UGGT2: variants seen among roughly 807,000 people sequenced by gnomAD.
UGGT2 encodes the protein UDP-glucose:glycoprotein glucosyltransferase 2.
In UGGT2, 180 loss-of-function variants were observed where a neutral mutation model predicts 192.1. That is an observed-to-expected ratio of 0.94 (90% CI 0.83 to 1.06). UGGT2 has a LOEUF of 1.06. Ranked by LOEUF, UGGT2 falls within the 50% of genes least tolerant of loss-of-function variation. The pLI is 0.00. For synonymous variants in UGGT2, 580 were observed against 591.0 expected, an observed-to-expected ratio of 0.98 and a Z score of 0.27; for missense variants, 1,849 against 1,795.7, an observed-to-expected ratio of 1.03 and a Z score of -0.54.
chr13:95,965,966 C>G (rs2050566772), intron 12 of UGGT2, among the ~76,000 whole-genome samples: 1 of 152,064 alleles, frequency 6.6e-6, no homozygotes, highest in Non-Finnish European at 1.5e-5. Flanking sequence ...AGTATAACCA[C>G]AATGGAAAAC....
intron 12 of UGGT2, among the ~76,000 whole-genome samples, chr13:95,953,434 G>A (rs904002118): frequency 6.6e-6 from 1 of 152,228 alleles, no homozygotes; most frequent in African/African-American, 2.4e-5. Context: ...AGTGCCAAGA[G>A]TTACAAAAGA....
At chr13:95,904,981 C>T (rs372082172) in intron 20 of UGGT2, among the ~76,000 whole-genome samples, 32 of 151,788 alleles carry the variant, frequency 2.1e-4, no homozygotes, top group South Asian at 1.7e-3. Flanking sequence ...TTTTAATGAT[C>T]GCCATTCTAA....
At chr13:95,860,665 G>C (rs1890072528) in intron 32 of UGGT2, 123 bp downstream of exon 32, 2 of 485,328 alleles carry the variant, frequency 4.1e-6, no homozygotes, top group Admixed American at 8.2e-5. Flanking sequence ...AAAAGGAACT[G>C]AGTATCAAGG....
At chr13:95,807,707 A>T (rs987101016) in intron 38 of UGGT2, among the ~76,000 whole-genome samples, 12 of 59,326 alleles carry the variant, frequency 2.0e-4, no homozygotes, top group Non-Finnish European at 7.7e-5. Flanking sequence ...TGAAACCCTC[A>T]GCCCTCACCT....
intron 1 of UGGT2, among the ~76,000 whole-genome samples, chr13:96,046,184 T>C (rs2139223030): frequency 6.6e-6 from 1 of 152,074 alleles, no homozygotes; most frequent in African/African-American, 2.4e-5. Context: ...TAAACCCAAA[T>C]ACTTCCAGCC....
intron 17 of UGGT2, among the ~76,000 whole-genome samples, chr13:95,932,314 TGTG>T: frequency 1.7e-5 from 1 of 60,244 alleles, no homozygotes; most frequent in Non-Finnish European, 4.0e-5. Context: ...ATTTTATTTG[TGTG>T]TGTGTGTGTG....
chr13:95,970,067 A>G, intron 12 of UGGT2, 45 bp downstream of exon 12: 1 of 1,550,508 alleles, frequency 6.4e-7, no homozygotes. Flanking sequence ...GTTAAGCCTT[A>G]AGTATACTAC....
intron 21 of UGGT2, 127 bp from the exon 22 acceptor site, chr13:95,901,065 T>C: frequency 1.4e-6 from 1 of 730,958 alleles, no homozygotes; most frequent in Non-Finnish European, 1.8e-6. Flanking sequence ...TTTGGTATAA[T>C]TTTCTTTGAA....
At chr13:95,970,584 A>G (rs2050741137) in intron 11 of UGGT2, among the ~76,000 whole-genome samples, 1 of 152,128 alleles carries the variant, frequency 6.6e-6, no homozygotes, top group Non-Finnish European at 1.5e-5. Flanking sequence ...ATATTAGGTC[A>G]CTCTTTTGAC....
At chr13:95,879,943 C>G (rs1208969601) in intron 27 of UGGT2, among the ~76,000 whole-genome samples, 1 of 151,880 alleles carries the variant, frequency 6.6e-6, no homozygotes, top group Non-Finnish European at 1.5e-5. Flanking sequence ...GCAGAATGAG[C>G]AGGTTTGTTA....
intron 20 of UGGT2, among the ~76,000 whole-genome samples, chr13:95,916,243 C>A (rs2048678627): frequency 6.6e-6 from 1 of 152,168 alleles, no homozygotes; most frequent in African/African-American, 2.4e-5. Flanking sequence ...GGTGATACCT[C>A]TGGGTACAGG....
chr13:95,982,750 A>C (rs1178441012), intron 10 of UGGT2, among the ~76,000 whole-genome samples: 1 of 152,164 alleles, frequency 6.6e-6, no homozygotes, highest in Non-Finnish European at 1.5e-5. Context: ...ATTCTGCATG[A>C]AGAATGGTAA....
intron 29 of UGGT2, among the ~76,000 whole-genome samples, chr13:95,876,732 A>G (rs560969788): frequency 8.6e-4 from 131 of 152,268 alleles, no homozygotes; most frequent in Non-Finnish European, 5.9e-4. Context: ...GTGCTGTAAC[A>G]GCTTACCTCG....
chr13:95,979,626 G>A (rs1415356652), intron 10 of UGGT2, among the ~76,000 whole-genome samples: 1 of 147,692 alleles, frequency 6.8e-6, no homozygotes, highest in Non-Finnish European at 1.5e-5. Flanking sequence ...GTTTAATTCT[G>A]ATCTGTATTC....
intron 10 of UGGT2, among the ~76,000 whole-genome samples, chr13:95,983,300 G>A (rs530156881): frequency 6.6e-6 from 1 of 152,156 alleles, no homozygotes; most frequent in African/African-American, 2.4e-5. Context: ...AAGCCAAACC[G>A]GTCCTATGTA....
chr13:95,862,636 A>T (rs1421864090), intron 31 of UGGT2, among the ~76,000 whole-genome samples: 1 of 152,120 alleles, frequency 6.6e-6, no homozygotes, highest in Non-Finnish European at 1.5e-5. Context: ...CTATAGTTGG[A>T]CCCATGAGTC....
At chr13:95,883,348 A>T (rs1245312705) in intron 27 of UGGT2, among the ~76,000 whole-genome samples, 1 of 152,246 alleles carries the variant, frequency 6.6e-6, no homozygotes, top group Non-Finnish European at 1.5e-5. Flanking sequence ...AAAGAGCTGG[A>T]AATAGGTCAG....
chr13:95,947,940 T>C (rs2049931718), intron 14 of UGGT2, 56 bp downstream of exon 14: 1 of 1,428,476 alleles, frequency 7.0e-7, no homozygotes, highest in Non-Finnish European at 9.8e-7. Context: ...TAACACAATA[T>C]GAATAACATT....
intron 7 of UGGT2, among the ~76,000 whole-genome samples, chr13:95,992,424 CTA>C (rs1012615923): frequency 2.0e-4 from 30 of 152,062 alleles, no homozygotes; most frequent in Admixed American, 2.0e-3. Context: ...AAATGTATTC[CTA>C]CATACTTTTT....
Sources: allele counts gnomAD v4.1 joint callset (sites outside exome capture counted in the v4.1 genomes callset), GRCh38; gene constraint gnomAD v4.1.1; transcripts MANE v1.5; gene names NCBI Gene and HGNC (gene_info 2026-07-23, HGNC 2026-07-21).